The following NBEA variants were observed in gnomAD, a reference collection of about 807,000 sequenced individuals.
NBEA encodes lysosomal-trafficking regulator 2.
NBEA carries 44 observed loss-of-function variants against 343.4 expected under a neutral mutation model. That is an observed-to-expected ratio of 0.13 (90% CI 0.10 to 0.16). The LOEUF is 0.16. NBEA is among the 10% of genes least tolerant of loss of function. The pLI is 1.00. For missense variants in NBEA, 2,555 were observed against 3,631.3 expected (o/e 0.70, Z 7.62); for synonymous variants, 1,175 against 1,238.7 (o/e 0.95, Z 1.08).
At chr13:35,592,672 A>C (rs2081590615) in intron 46 of NBEA, among the ~76,000 whole-genome samples, 1 of 152,124 alleles carries the variant, frequency 6.6e-6, no homozygotes, top group African/African-American at 2.4e-5. Context: ...TAGAGTGTGA[A>C]GAGGGGAATG....
At chr13:35,661,284 G>T (rs191855991) in intron 55 of NBEA, among the ~76,000 whole-genome samples, 4 of 152,314 alleles carry the variant, frequency 2.6e-5, no homozygotes, top group African/African-American at 9.6e-5. Flanking sequence ...TTTTAGGTGA[G>T]CGTAGGACAG....
rs1566441831 is a variant in NBEA at position 35,196,090 on chromosome 13, A to G, written c.5154A>G (p.Leu1718=). The change falls in exon 31 of 59, where the codon TTA becomes TTG. Residue 1718 remains leucine (L), a synonymous_variant. Transcript: ENST00000379939. ...SSEVKKSQES[L]TENPSETLKP... Reference sequence around the variant, plus strand: ...AAGTGAAGAAATCACAAGAGAGCTTAACTGAAAATCCTAGTGAAACGTTGA... The same window carrying G: ...AAGTGAAGAAATCACAAGAGAGCTTGACTGAAAATCCTAGTGAAACGTTGA... The G allele has an allele frequency of 6.2e-7, 1 of 1,613,672 alleles. No individual in the cohort carries two copies. Among genetic ancestry groups the G allele is most frequent in the East Asian group, 2.2e-5 (1 of 44,752 alleles).
intron 41 of NBEA, among the ~76,000 whole-genome samples, chr13:35,545,380 TCACTCTGC>T (rs2079018639): frequency 6.6e-6 from 1 of 152,082 alleles, no homozygotes; most frequent in Non-Finnish European, 1.5e-5. Flanking sequence ...GCCTCAAATC[TCACTCTGC>T]CACCTTCCTG....
At chr13:35,397,279 T>C (rs2152904036) in intron 38 of NBEA, among the ~76,000 whole-genome samples, 1 of 152,314 alleles carries the variant, frequency 6.6e-6, no homozygotes, top group East Asian at 1.9e-4. Context: ...CTGTCTCTAC[T>C]GTCAGTGCTT....
chr13:35,645,895 C>T lies in NBEA; in HGVS notation c.7644C>T (p.Asp2548=). ...TTCCAGAAGCTTATTTCATTAGAGA[C>T]CCCCACACTTTCCTTCTTACAAAGG... The part of the protein sequence containing the change: ...REIPEAYFIR[D]PHTFLLTKDF... The change falls in exon 50 of 59, where the codon GAC becomes GAT. Residue 2548 remains aspartate, a synonymous_variant. Transcript: ENST00000379939. The T allele has an allele frequency of 6.3e-7, 1 of 1,577,896 alleles. No homozygotes were observed. Among genetic ancestry groups the T allele is most frequent in the Non-Finnish European group, 8.6e-7 (1 of 1,157,898 alleles).
At chr13:35,366,154 C>A (rs868528829) in intron 38 of NBEA, among the ~76,000 whole-genome samples, 1 of 151,598 alleles carries the variant, frequency 6.6e-6, no homozygotes. Context: ...CTTAATCCTA[C>A]GACCTTGACA....
chr13:35,144,154 A>G lies in NBEA; in HGVS notation c.2445+1777A>G, dbSNP rs547378579. Among the ~76,000 whole-genome samples the G allele has an allele frequency of 3.3e-5, 5 of 152,296 alleles. No homozygotes were observed. The South Asian group carries it at 1.0e-3, about 32-fold the overall frequency. ...AGGAAAAGTACAGAGAGTTATTGCA[A>G]AGAGAAAAGTACACACTCAGGAAAG... is the stretch of plus-strand genomic sequence containing the variant. On this transcript the variant is annotated intron_variant, in intron 18 of 58. Transcript: ENST00000379939.
rs184123072 is a variant in NBEA, at chr13:35,061,537, T to C, written c.1239+2674T>C. On this transcript the variant is annotated intron_variant, in intron 8 of 58. Coordinates refer to ENST00000379939, the MANE Select transcript of NBEA (RefSeq NM_001385012.1). Reference sequence around the variant, plus strand: ...ATATTTTATAGTTATTACTAGATATTTTCTCAGTGTTATGTTAACCCTGTG... The same window carrying C: ...ATATTTTATAGTTATTACTAGATATCTTCTCAGTGTTATGTTAACCCTGTG... 2.0e-5 allele frequency among the ~76,000 whole-genome samples: 3 copies of C among 151,900 alleles called. No individual in the cohort carries two copies. The East Asian group carries it at 5.8e-4, about 29-fold the overall frequency.
intron 1 of NBEA, among the ~76,000 whole-genome samples, chr13:34,981,439 G>A (rs564570713): frequency 1.5e-3 from 225 of 152,266 alleles, no homozygotes; most frequent in African/African-American, 5.0e-3. Flanking sequence ...CTTGCTTTAA[G>A]AAACTGCCAG....
intron 8 of NBEA, among the ~76,000 whole-genome samples, chr13:35,068,211 C>A (rs1014459038): frequency 2.6e-5 from 4 of 151,896 alleles, no homozygotes; most frequent in Admixed American, 2.6e-4. Flanking sequence ...TCCTACAAAC[C>A]AAAATAGCGT....
chr13:35,615,873 G>C (rs1247190307), intron 48 of NBEA, among the ~76,000 whole-genome samples: 2 of 152,088 alleles, frequency 1.3e-5, no homozygotes, highest in East Asian at 1.9e-4. Flanking sequence ...GGGCCTGACT[G>C]TCTATGGTCC....
At chr13:35,150,677 G>T (rs2068718191) in intron 18 of NBEA, among the ~76,000 whole-genome samples, 1 of 151,732 alleles carries the variant, frequency 6.6e-6, no homozygotes, top group South Asian at 2.1e-4. Context: ...TTCTGTTTGG[G>T]GAAATCACCT....
In NBEA at chr13:34,948,263, C is replaced by T. The variant is rs776369457; in HGVS notation, c.294+5149C>T. ...CCCACTGCCTGCCTTGAGGGTCAGACATCTAACCTAGGTGTGGCAAGAATT... is the reference window on the plus strand; with the variant it reads ...CCCACTGCCTGCCTTGAGGGTCAGATATCTAACCTAGGTGTGGCAAGAATT... On this transcript the variant is annotated intron_variant, in intron 1 of 58. Coordinates refer to ENST00000379939, the MANE Select transcript of NBEA (RefSeq NM_001385012.1). 3.9e-5 allele frequency among the ~76,000 whole-genome samples: 6 copies of T among 152,268 alleles called. No homozygotes were observed. The East Asian group carries it at 1.2e-3, about 29-fold the overall frequency.
intron 36 of NBEA, among the ~76,000 whole-genome samples, chr13:35,337,237 T>C (rs1306909663): frequency 2.0e-5 from 3 of 152,066 alleles, no homozygotes; most frequent in Non-Finnish European, 4.4e-5. Flanking sequence ...ATGGATTTTA[T>C]AAAAAGGATT....
chr13:35,189,599 A>G (rs1241893900), intron 30 of NBEA, among the ~76,000 whole-genome samples: 2 of 152,064 alleles, frequency 1.3e-5, no homozygotes, highest in East Asian at 3.9e-4. Flanking sequence ...AAATACATAT[A>G]TATGAATATA....
chr13:35,215,526 T>G (rs1797744826), intron 33 of NBEA, among the ~76,000 whole-genome samples: 1 of 151,702 alleles, frequency 6.6e-6, no homozygotes, highest in African/African-American at 2.4e-5. Flanking sequence ...TCTTAAAAAA[T>G]AGCAAATCAG....
intron 44 of NBEA, among the ~76,000 whole-genome samples, chr13:35,564,680 C>T (rs994018769): frequency 6.6e-6 from 1 of 152,212 alleles, no homozygotes. Context: ...TAGTATTATT[C>T]ACCATAGACT....
intron 1 of NBEA, among the ~76,000 whole-genome samples, chr13:35,012,269 G>A (rs914728181): frequency 1.3e-5 from 2 of 152,080 alleles, no homozygotes; most frequent in Non-Finnish European, 2.9e-5. Flanking sequence ...AGAGAGGGTG[G>A]GAGAGAGAGC....
intron 10 of NBEA, among the ~76,000 whole-genome samples, chr13:35,095,481 C>A (rs879379943): frequency 4.0e-5 from 6 of 151,526 alleles, no homozygotes; most frequent in Admixed American, 4.0e-4. Flanking sequence ...TATACTATTT[C>A]TTTCATTTTT....
Sources: gnomAD v4.1 joint callset for allele counts (sites outside exome capture counted in the v4.1 genomes callset) on GRCh38, gnomAD v4.1.1 for gene constraint, MANE v1.5 for transcripts, NCBI Gene and HGNC (gene_info 2026-07-23, HGNC 2026-07-21) for gene names.